SDK1: variants seen among roughly 807,000 people sequenced by gnomAD.
The protein encoded by SDK1 is protein sidekick-1.
A neutral mutation model predicts 245.5 loss-of-function variants in SDK1; 157 were observed. The observed-to-expected ratio is 0.64, with a 90% CI of 0.56 to 0.73. The LOEUF is 0.73. Among genes scored for constraint, SDK1 ranks in the 30% least tolerant of loss-of-function variants. SDK1 has a pLI of 0.00. For missense variants in SDK1, 3,583 were observed against 3,002.3 expected (o/e 1.19, Z -4.52); for synonymous variants, 1,647 against 1,278.5 (o/e 1.29, Z -6.15).
intron 1 of SDK1, among the ~76,000 whole-genome samples, chr7:3,559,826 T>G (rs1215324064): frequency 6.6e-6 from 1 of 152,044 alleles, no homozygotes; most frequent in African/African-American, 2.4e-5. Context: ...CAGTGTAAAT[T>G]GTAGATTATA....
chr7:3,626,297 C>T (rs577447302), intron 2 of SDK1, among the ~76,000 whole-genome samples: 1 of 152,100 alleles, frequency 6.6e-6, no homozygotes, highest in East Asian at 1.9e-4. Flanking sequence ...TCCTTGAACC[C>T]CTCAGTGTAA....
At chr7:3,723,658 T>TTG (rs139688945) in intron 4 of SDK1, among the ~76,000 whole-genome samples, 2,878 of 134,158 alleles carry the variant, frequency 0.021, 78 homozygotes, top group African/African-American at 0.028. Context: ...TAAGTAAAAG[T>TTG]TGTGTGTGTG....
At chr7:3,429,201 C>A (rs1350342606) in intron 1 of SDK1, among the ~76,000 whole-genome samples, 2 of 149,800 alleles carry the variant, frequency 1.3e-5, no homozygotes, top group Non-Finnish European at 3.0e-5. Context: ...AAATAATACT[C>A]AGTTGTGGAT....
intron 1 of SDK1, among the ~76,000 whole-genome samples, chr7:3,340,236 A>G (rs1009986289): frequency 9.2e-5 from 14 of 152,146 alleles, no homozygotes; most frequent in Admixed American, 3.3e-4. Context: ...GACTACTGCA[A>G]TAAACCAAAT....
chr7:3,940,347 C>T (rs1780312050), intron 5 of SDK1, among the ~76,000 whole-genome samples: 1 of 152,262 alleles, frequency 6.6e-6, no homozygotes, highest in Non-Finnish European at 1.5e-5. Context: ...TATAGCTCTG[C>T]ATTCCTTAGC....
chr7:3,748,271 G>T (rs941630181), intron 4 of SDK1, among the ~76,000 whole-genome samples: 2 of 152,148 alleles, frequency 1.3e-5, no homozygotes, highest in Non-Finnish European at 2.9e-5. Context: ...TGTGTAGCAG[G>T]ATAGAGGCTG....
At chr7:4,122,596 A>G (rs958184427) in intron 25 of SDK1, among the ~76,000 whole-genome samples, 1 of 152,172 alleles carries the variant, frequency 6.6e-6, no homozygotes, top group Non-Finnish European at 1.5e-5. Context: ...GTGACATCTT[A>G]TGATATATTA....
At chr7:3,933,089 C>CCTCCG (rs1421540784) in intron 5 of SDK1, among the ~76,000 whole-genome samples, 8 of 151,326 alleles carry the variant, frequency 5.3e-5, no homozygotes, top group Admixed American at 2.0e-4. Context: ...CTCTCTCCAT[C>CCTCCG]CTCCGCATCC....
At chr7:3,750,479 A>C (rs927510851) in intron 4 of SDK1, among the ~76,000 whole-genome samples, 20 of 152,204 alleles carry the variant, frequency 1.3e-4, no homozygotes, top group African/African-American at 4.8e-4. Flanking sequence ...GGACCATTGC[A>C]ATAGGTATAG....
At position 4,087,761 on chromosome 7, in the gene SDK1, C is replaced by A. The variant is rs188614640; in HGVS notation, c.3324+8177C>A. 8.3e-3 allele frequency among the ~76,000 whole-genome samples: 1,266 copies of A among 152,276 alleles called. 6 individuals carry two copies. Among genetic ancestry groups the A allele is most frequent in the Non-Finnish European group, 0.014 (927 of 68,030 alleles). ...TTGAGTCAGACAGACCTGGTTCCCC[C>A]CTTTTTTAGCACCCCTGTTTCCCAG... On this transcript the variant is annotated intron_variant, in intron 22 of 44. Coordinates refer to ENST00000404826, the MANE Select transcript of SDK1 (RefSeq NM_152744.4).
rs779685651 is a variant in SDK1 at position 4,127,404 on chromosome 7, G to C, written c.3847G>C (p.Val1283Leu). The C allele has an allele frequency of 1.9e-6, 3 of 1,614,138 alleles. No homozygotes were observed. The East Asian group carries it at 6.7e-5, about 36-fold the overall frequency. Reference protein sequence around the residue: ...ESVPSAAPENVSAEAVSSTQI... With the variant: ...ESVPSAAPENLSAEAVSSTQI... Reference sequence around the variant, plus strand: ...AGTTCCTTCAGCCGCCCCTGAGAACGTGTCAGCCGAGGCTGTCAGCTCGAC... The same window carrying C: ...AGTTCCTTCAGCCGCCCCTGAGAACCTGTCAGCCGAGGCTGTCAGCTCGAC... Residue 1283 changes from valine to leucine, a missense_variant, in exon 26 of 45, where the codon GTG becomes CTG. Val to Leu is a conservative substitution (Grantham distance 32). Transcript: ENST00000404826.
rs55846059 is a variant in SDK1 at position 3,898,972 on chromosome 7, C to T, written c.848-51951C>T. Among the ~76,000 whole-genome samples, 825 of 152,248 alleles carry T rather than the reference C, an allele frequency of 5.4e-3. 7 individuals are homozygous for T. Among genetic ancestry groups the T allele is most frequent in the African/African-American group, 0.018 (768 of 41,530 alleles). On this transcript the variant is annotated intron_variant, in intron 5 of 44. Coordinates refer to ENST00000404826, the MANE Select transcript of SDK1 (RefSeq NM_152744.4). Reference sequence around the variant, plus strand: ...ATCATAAATTCTAAGTTAATGGTTTCCCAATTCTATAGTAAGGTGAAACAG... The same window carrying T: ...ATCATAAATTCTAAGTTAATGGTTTTCCAATTCTATAGTAAGGTGAAACAG...
chr7:3,454,388 T>TTTTGTGTGTGTGTGTG (rs71552305), intron 1 of SDK1, among the ~76,000 whole-genome samples: 6 of 141,686 alleles, frequency 4.2e-5, no homozygotes, highest in South Asian at 2.4e-4. Context: ...TCCCCAAGAT[T>TTTTGTGTGTGTGTGTG]TGTGTGTGTG....
At position 3,374,087 on chromosome 7, in the gene SDK1, C is replaced by G. The variant is rs549983539; in HGVS notation, c.298+72203C>G. 2.0e-5 allele frequency among the ~76,000 whole-genome samples: 3 copies of G among 152,028 alleles called. No homozygotes were observed. In the South Asian group the frequency reaches 6.2e-4, roughly 32 times the overall value. On this transcript the variant is annotated intron_variant, in intron 1 of 44. Coordinates refer to ENST00000404826, the MANE Select transcript of SDK1 (RefSeq NM_152744.4). ...AATTGTGGATTTTTCTTTTTTTTAA[C>G]TTGACACTCTGATATCCACGGTAAT...
chr7:3,543,074 C>T (rs1779102660), intron 1 of SDK1, among the ~76,000 whole-genome samples: 1 of 152,172 alleles, frequency 6.6e-6, no homozygotes, highest in African/African-American at 2.4e-5. Context: ...GGCATAATTC[C>T]TATTTGTATT....
At chr7:3,576,945 G>T (rs1340445833) in intron 1 of SDK1, among the ~76,000 whole-genome samples, 1 of 152,032 alleles carries the variant, frequency 6.6e-6, no homozygotes, top group African/African-American at 2.4e-5. Flanking sequence ...TGAAGAAATA[G>T]TAGACTTTTG....
chr7:3,408,705 T>C (rs1779115985), intron 1 of SDK1, among the ~76,000 whole-genome samples: 1 of 152,210 alleles, frequency 6.6e-6, no homozygotes, highest in Non-Finnish European at 1.5e-5. Context: ...TTTTTATATG[T>C]TGGACAGTAC....
intron 1 of SDK1, among the ~76,000 whole-genome samples, chr7:3,572,511 G>A (rs775332634): frequency 5.3e-5 from 8 of 152,018 alleles, no homozygotes; most frequent in Admixed American, 3.9e-4. Flanking sequence ...GATAGCTGGC[G>A]TGTGCGAGAA....
At chr7:3,330,701 G>A (rs137934078) in intron 1 of SDK1, among the ~76,000 whole-genome samples, 5 of 151,842 alleles carry the variant, frequency 3.3e-5, no homozygotes, top group East Asian at 3.9e-4. Flanking sequence ...GGCTAGGCAC[G>A]GTGACTCATG....
Sources: allele counts gnomAD v4.1 joint callset (sites outside exome capture counted in the v4.1 genomes callset), GRCh38; gene constraint gnomAD v4.1.1; transcripts MANE v1.5; gene names NCBI Gene and HGNC (gene_info 2026-07-23, HGNC 2026-07-21).